Variants in KLRG2 observed in about 807,000 individuals in gnomAD.
KLRG2 encodes killer cell lectin-like receptor subfamily G member 2.
Under a neutral mutation model 35.4 loss-of-function variants are expected in KLRG2, and 39 were observed. That is an observed-to-expected ratio of 1.10 (90% CI 0.85 to 1.44). KLRG2 has a LOEUF of 1.44. KLRG2 is among the 40% of genes most tolerant of loss of function. KLRG2 has a pLI of 0.00. For missense variants in KLRG2, 632 were observed against 570.9 expected, an observed-to-expected ratio of 1.11 and a Z score of -1.09; for synonymous variants, 283 against 265.8, an observed-to-expected ratio of 1.06 and a Z score of -0.63.
intron 3 of KLRG2, among the ~76,000 whole-genome samples, chr7:139,463,444 A>G (rs1308954270): frequency 1.3e-5 from 2 of 152,198 alleles, no homozygotes; most frequent in African/African-American, 2.4e-5. Context: ...TGCCTCTGCC[A>G]TGAGACAAAA....
intron 1 of KLRG2, 47 bp downstream of exon 1, chr7:139,482,839 T>C: frequency 1.5e-6 from 2 of 1,359,378 alleles, no homozygotes; most frequent in South Asian, 1.8e-5. Context: ...TTCGGCTACG[T>C]CCACCCGACC....
At chr7:139,428,832 A>G in the KLRG2 span, among the ~76,000 whole-genome samples, 2 of 149,650 alleles carry the variant, frequency 1.3e-5, no homozygotes, top group South Asian at 2.1e-4. Context: ...GTGCTAAAGT[A>G]TTTAAGGATG....
chr7:139,474,366 T>G (rs747555992), intron 3 of KLRG2, among the ~76,000 whole-genome samples: 19 of 152,292 alleles, frequency 1.2e-4, no homozygotes, highest in Non-Finnish European at 2.4e-4. Flanking sequence ...GAGCTGACAG[T>G]CACGGAGAAT....
intron 3 of KLRG2, among the ~76,000 whole-genome samples, chr7:139,457,732 G>A (rs570854929): frequency 4.6e-5 from 7 of 152,192 alleles, no homozygotes; most frequent in African/African-American, 1.7e-4. Flanking sequence ...GGGAGCTGAA[G>A]GCCTCCCCCG....
Position 139,480,203 on chromosome 7 carries a change from T to C in KLRG2, c.802A>G (p.Met268Val). The C allele has an allele frequency of 1.2e-6, 2 of 1,613,502 alleles. No homozygotes were observed. Among genetic ancestry groups the C allele is most frequent in the South Asian group, 2.2e-5 (2 of 91,038 alleles). Residue 268 changes from methionine (M) to valine (V), a missense_variant, in exon 2 of 5, where the codon ATG (methionine) becomes GTG (valine). Coordinates refer to ENST00000340940, the MANE Select transcript of KLRG2 (RefSeq NM_198508.4). ...VKSLYWALAF[M>V]AVLLAVSGVV... ...CCAGAGACTGCCAGGAGCACAGCCA[T>C]GAACGCCAGGGCCCAGTACAGGGAC...
At chr7:139,480,647 A>T (rs1351010270) in intron 1 of KLRG2, among the ~76,000 whole-genome samples, 1 of 149,150 alleles carries the variant, frequency 6.7e-6, no homozygotes, top group Admixed American at 6.7e-5. Flanking sequence ...GGGTTTCACC[A>T]TGTTGGCCAG....
At chr7:139,473,471 C>G (rs1375446848) in intron 3 of KLRG2, among the ~76,000 whole-genome samples, 1 of 152,080 alleles carries the variant, frequency 6.6e-6, no homozygotes, top group Non-Finnish European at 1.5e-5. Flanking sequence ...CAGCCTCACC[C>G]TCACCCTCCC....
chr7:139,479,894 G>A, intron 2 of KLRG2, 122 bp from the exon 3 acceptor site: 1 of 1,190,930 alleles, frequency 8.4e-7, no homozygotes, highest in Non-Finnish European at 1.2e-6. Flanking sequence ...AGGGCCCCAG[G>A]GAGCTTTTAT....
intron 3 of KLRG2, among the ~76,000 whole-genome samples, chr7:139,478,145 G>A (rs1163122608): frequency 6.6e-6 from 1 of 151,640 alleles, no homozygotes; most frequent in Admixed American, 6.6e-5. Flanking sequence ...GAAGTGGGAG[G>A]ATCGCTTGAG....
At chr7:139,442,559 A>C in the KLRG2 span, among the ~76,000 whole-genome samples, 1 of 151,974 alleles carries the variant, frequency 6.6e-6, no homozygotes, top group African/African-American at 2.4e-5. Flanking sequence ...AAAAAATACA[A>C]AACTTAGCCG....
the KLRG2 span, among the ~76,000 whole-genome samples, chr7:139,446,183 C>A: frequency 1.3e-5 from 2 of 151,916 alleles, no homozygotes; most frequent in Non-Finnish European, 2.9e-5. Context: ...AGTGTTGCTA[C>A]AAACTTAGAG....
At chr7:139,430,414 A>G in the KLRG2 span, among the ~76,000 whole-genome samples, 1 of 149,436 alleles carries the variant, frequency 6.7e-6, no homozygotes, top group Non-Finnish European at 1.5e-5. Context: ...AAAAAAAAAA[A>G]GTTAAAACTA....
chr7:139,471,228 C>G (rs2116462946), intron 3 of KLRG2, among the ~76,000 whole-genome samples: 1 of 152,190 alleles, frequency 6.6e-6, no homozygotes, highest in East Asian at 1.9e-4. Flanking sequence ...TTTGTTAGTG[C>G]TTATCTTTAG....
At chr7:139,456,020 T>C (rs1027696190) in intron 3 of KLRG2, among the ~76,000 whole-genome samples, 3 of 151,244 alleles carry the variant, frequency 2.0e-5, no homozygotes, top group Non-Finnish European at 2.9e-5. Flanking sequence ...AATCATGCCA[T>C]GTAAAAAAAA....
chr7:139,467,547 T>A (rs999235395), intron 3 of KLRG2, among the ~76,000 whole-genome samples: 3 of 152,096 alleles, frequency 2.0e-5, no homozygotes, highest in Admixed American at 6.5e-5. Flanking sequence ...CCCAACGCCG[T>A]GCTCTCTGAA....
At chr7:139,428,865 TA>T in the KLRG2 span, among the ~76,000 whole-genome samples, 1 of 66,648 alleles carries the variant, frequency 1.5e-5, no homozygotes, top group Non-Finnish European at 2.5e-5. Context: ...GTCTGCAGCT[TA>T]CTTTTAAATA....
chr7:139,479,774 T>TG lies in KLRG2; in HGVS notation c.860-3dup. On this transcript the variant is annotated splice_region_variant and splice_polypyrimidine_tract_variant and intron_variant, in intron 2 of 4. Transcript: ENST00000340940. ...GGGGGCACTGCTGGCATCTGGCTCC[T>TG]GCAAGCACAGAGACTGCTGGTGAGC... The TG allele has an allele frequency of 1.9e-6, 3 of 1,613,180 alleles. No homozygotes were observed. Among genetic ancestry groups the TG allele is most frequent in the Non-Finnish European group, 2.5e-6 (3 of 1,179,602 alleles).
intron 3 of KLRG2, among the ~76,000 whole-genome samples, chr7:139,462,054 T>A (rs117131884): frequency 0.076 from 11,547 of 152,264 alleles, 588 homozygotes; most frequent in Non-Finnish European, 0.11. Flanking sequence ...CTTTCTCCTT[T>A]GAATCTTGGT....
At chr7:139,476,102 A>C (rs1028624595) in intron 3 of KLRG2, among the ~76,000 whole-genome samples, 1 of 152,166 alleles carries the variant, frequency 6.6e-6, no homozygotes, top group Non-Finnish European at 1.5e-5. Context: ...TTTAAGCACG[A>C]AAGGTCTCAA....
Sources: allele counts gnomAD v4.1 joint callset (sites outside exome capture counted in the v4.1 genomes callset), GRCh38; gene constraint gnomAD v4.1.1; transcripts MANE v1.5; gene names NCBI Gene and HGNC (gene_info 2026-07-23, HGNC 2026-07-21).